The following ZNF462 variants were observed in gnomAD, a reference collection of about 807,000 sequenced individuals.
ZNF462 encodes zinc finger protein 462.
A neutral mutation model predicts 201.9 loss-of-function variants in ZNF462; 10 were observed. The observed-to-expected ratio is 0.05, with a 90% CI of 0.03 to 0.08. The LOEUF (loss-of-function observed/expected upper bound fraction) is 0.08. Ranked by LOEUF, ZNF462 falls within the 10% of genes least tolerant of loss-of-function variation. ZNF462 has a pLI of 1.00. For synonymous variants in ZNF462, 1,227 were observed against 1,193.3 expected (o/e 1.03, Z -0.58); for missense variants, 2,523 against 3,168.3 (o/e 0.80, Z 4.89).
At chr9:106,987,074 C>G (rs1029449000) in intron 10 of ZNF462, among the ~76,000 whole-genome samples, 4 of 151,972 alleles carry the variant, frequency 2.6e-5, no homozygotes, top group Admixed American at 2.6e-4. Context: ...GACTGATGGG[C>G]ATTTGGGTTG....
At chr9:107,000,424 G>A (rs1237572282) in intron 10 of ZNF462, among the ~76,000 whole-genome samples, 1 of 151,964 alleles carries the variant, frequency 6.6e-6, no homozygotes, top group Non-Finnish European at 1.5e-5. Context: ...GGAGGGGAAG[G>A]GGCTGGCAGT....
intron 11 of ZNF462, among the ~76,000 whole-genome samples, chr9:107,007,163 C>T (rs573659626): frequency 2.0e-5 from 3 of 152,092 alleles, no homozygotes; most frequent in Non-Finnish European, 4.4e-5. Context: ...ATCTCTAAAG[C>T]TGAGCATGTG....
chr9:106,928,019 C>T lies in ZNF462; in HGVS notation c.4107C>T (p.Tyr1369=), dbSNP rs1339278812. ...SLTMPAEAKT[Y]RCRDCVFEAV... ...CAATGCCAGCCGAAGCCAAAACCTA[C>T]AGATGCAGGGACTGTGTTTTCGAAG... The change falls in exon 3 of 13, where the codon TAC becomes TAT. Residue 1369 remains tyrosine, a synonymous_variant. Coordinates refer to ENST00000277225, the MANE Select transcript of ZNF462 (RefSeq NM_021224.6). This position sits in a 1 kb window ranked among gnomAD's most constrained non-coding sequence, Gnocchi z 9.3. 2.5e-6 allele frequency: 4 copies of T among 1,614,102 alleles called. No homozygotes were observed. In the Admixed American group the frequency reaches 5.0e-5, roughly 20 times the overall value.
Position 106,923,243 on chromosome 9 carries a change from GA to G in ZNF462, c.-30-108del. On this transcript the variant is annotated intron_variant, in intron 1 of 12. Coordinates refer to ENST00000277225, the MANE Select transcript of ZNF462 (RefSeq NM_021224.6). The surrounding 1 kb of genome is among the most constrained non-coding windows in gnomAD (Gnocchi z 5.6). ...TTCCAACTGGCAAAGTCCAATAAGA[GA>G]AATCTACTGATACTGGAATTTTTTC... is the stretch of plus-strand genomic sequence containing the variant. 1.3e-6 allele frequency: 1 copy of G among 754,444 alleles called. No homozygotes were observed. The allele number at this position is 754,444 out of a possible 1,614,324, so 46.7% of individuals were successfully genotyped here. A position where few individuals can be genotyped will look rare whatever the true frequency, so the allele number is the denominator to read the frequency against.
rs894645415 is a variant in ZNF462 at position 106,968,914 on chromosome 9, C to T, written c.6428-3091C>T. On this transcript the variant is annotated intron_variant, in intron 7 of 12. Coordinates refer to ENST00000277225, the MANE Select transcript of ZNF462 (RefSeq NM_021224.6). The surrounding 1 kb of genome is among the most constrained non-coding windows in gnomAD (Gnocchi z 4.0). ...CTTTCTAACCTGGGCACAGAACGACCTCCTTCCTGCTCTTCAGGCCATGCT... is the reference window on the plus strand; with the variant it reads ...CTTTCTAACCTGGGCACAGAACGACTTCCTTCCTGCTCTTCAGGCCATGCT... Among the ~76,000 whole-genome samples, 2 of 152,154 alleles carry T rather than the reference C, an allele frequency of 1.3e-5. No homozygotes were observed. Among genetic ancestry groups the T allele is most frequent in the Admixed American group, 6.6e-5 (1 of 15,262 alleles).
In ZNF462 at chr9:107,005,174, G is replaced by A. The variant is rs751298648; in HGVS notation, c.7189+1748G>A. The stretch of plus-strand genomic sequence containing the variant: ...TATTATGAATAACCCTGCAGTGAAC[G>A]TGAGAGTGCAGATATTTCTTCAATA... On this transcript the variant is annotated intron_variant, in intron 11 of 12. Coordinates refer to ENST00000277225, the MANE Select transcript of ZNF462 (RefSeq NM_021224.6). The surrounding 1 kb of genome is among the most constrained non-coding windows in gnomAD (Gnocchi z 4.4). Among the ~76,000 whole-genome samples, 8 of 152,052 alleles carry A rather than the reference G, an allele frequency of 5.3e-5. No homozygotes were observed. Among genetic ancestry groups the A allele is most frequent in the Admixed American group, 1.3e-4 (2 of 15,264 alleles).
intron 9 of ZNF462, among the ~76,000 whole-genome samples, chr9:106,980,717 G>A (rs1183171367): frequency 6.6e-6 from 1 of 152,198 alleles, no homozygotes; most frequent in Non-Finnish European, 1.5e-5. Flanking sequence ...GAGGAGATGA[G>A]AGACACAATC....
rs555158809 is a variant in ZNF462 at position 106,962,574 on chromosome 9, T to A, written c.6428-9431T>A. ...TGTAAGTATGATGGGAAACTAGATC[T>A]CAAAAAAGAGAAAGCTTGCCCATTT... On this transcript the variant is annotated intron_variant, in intron 7 of 12. Transcript: ENST00000277225. The surrounding 1 kb of genome is among the most constrained non-coding windows in gnomAD (Gnocchi z 4.6). 1.6e-4 allele frequency among the ~76,000 whole-genome samples: 25 copies of A among 152,102 alleles called. No individual in the cohort carries two copies. Among genetic ancestry groups the A allele is most frequent in the African/African-American group, 5.1e-4 (21 of 41,516 alleles).
At chr9:106,873,572 AT>A (rs1827693011) in intron 1 of ZNF462, among the ~76,000 whole-genome samples, 1 of 152,134 alleles carries the variant, frequency 6.6e-6, no homozygotes, top group African/African-American at 2.4e-5. Context: ...TTTAATGGTC[AT>A]TTTTGGAACA....
Position 106,890,734 on chromosome 9 carries a change from A to G in ZNF462, c.-31+27379A>G, listed in dbSNP as rs1828539848. Among the ~76,000 whole-genome samples, 1 of 152,076 alleles carries G rather than the reference A, an allele frequency of 6.6e-6. No individual in the cohort carries two copies. The highest frequency in any genetic ancestry group is 2.1e-4 in the South Asian group (1 of 4,834). On this transcript the variant is annotated intron_variant, in intron 1 of 12. Coordinates refer to ENST00000277225, the MANE Select transcript of ZNF462 (RefSeq NM_021224.6). This position sits in a 1 kb window ranked among gnomAD's most constrained non-coding sequence, Gnocchi z 4.2. ...TGTCCTCTGCTCTAAGGCTCATGTCACTCGCATCATGCTGTGACATGAAAC... is the reference window on the plus strand; with the variant it reads ...TGTCCTCTGCTCTAAGGCTCATGTCGCTCGCATCATGCTGTGACATGAAAC...
Position 106,969,071 on chromosome 9 carries a change from G to A in ZNF462, c.6428-2934G>A, listed in dbSNP as rs117624878. Among the ~76,000 whole-genome samples the A allele has an allele frequency of 1.4e-4, 22 of 152,194 alleles. No individual in the cohort carries two copies. In the East Asian group the frequency reaches 3.5e-3, roughly 24 times the overall value. On this transcript the variant is annotated intron_variant, in intron 7 of 12. Coordinates refer to ENST00000277225, the MANE Select transcript of ZNF462 (RefSeq NM_021224.6). ...ATCCTACATTATTCACAAATTCCACGTGAGCGAGAGCGAAATTGAGAATGT... is the reference window on the plus strand; with the variant it reads ...ATCCTACATTATTCACAAATTCCACATGAGCGAGAGCGAAATTGAGAATGT...
rs1332365980 is a variant in ZNF462 at position 106,870,042 on chromosome 9, A to G, written c.-31+6687A>G. On this transcript the variant is annotated intron_variant, in intron 1 of 12. Transcript: ENST00000277225. The surrounding 1 kb of genome is among the most constrained non-coding windows in gnomAD (Gnocchi z 4.3). The stretch of plus-strand genomic sequence containing the variant: ...CTATCATAAAATTTATCTTTTTTCT[A>G]AGTCCTCCTATTCTCATCAGCTGAA... 2.6e-5 allele frequency among the ~76,000 whole-genome samples: 4 copies of G among 152,162 alleles called. No individual in the cohort carries two copies.
Position 107,005,084 on chromosome 9 carries a change from A to G in ZNF462, c.7189+1658A>G, listed in dbSNP as rs1338280136. ...ATGGTGAATAGTATTTCATGTGTGT[A>G]TATACCACATTTTCTTTATCCATTC... On this transcript the variant is annotated intron_variant, in intron 11 of 12. Coordinates refer to ENST00000277225, the MANE Select transcript of ZNF462 (RefSeq NM_021224.6). This position sits in a 1 kb window ranked among gnomAD's most constrained non-coding sequence, Gnocchi z 4.4. Among the ~76,000 whole-genome samples, 4 of 152,178 alleles carry G rather than the reference A, an allele frequency of 2.6e-5. No individual in the cohort carries two copies. The East Asian group carries it at 7.7e-4, about 29-fold the overall frequency.
Position 106,963,668 on chromosome 9 carries a change from C to T in ZNF462, c.6428-8337C>T, listed in dbSNP as rs922799333. On this transcript the variant is annotated intron_variant, in intron 7 of 12. Coordinates refer to ENST00000277225, the MANE Select transcript of ZNF462 (RefSeq NM_021224.6). The surrounding 1 kb of genome is among the most constrained non-coding windows in gnomAD (Gnocchi z 4.7). ...TAACAGATGATCTTGTCTAAAGGCA[C>T]CTAAAAAAATTACTGCAGTAAAAAC... Among the ~76,000 whole-genome samples the T allele has an allele frequency of 7.2e-5, 11 of 152,030 alleles. No individual in the cohort carries two copies. The highest frequency in any genetic ancestry group is 2.2e-4 in the African/African-American group (9 of 41,496).
At position 106,984,486 on chromosome 9, in the gene ZNF462, G is replaced by A. The variant is rs1827679445; in HGVS notation, c.7056+77G>A. Reference sequence around the variant, plus strand: ...CAAGGGGGAGACACCACTGCATTTAGTCACGACCACTGTGTACCAGATGGA... The same window carrying A: ...CAAGGGGGAGACACCACTGCATTTAATCACGACCACTGTGTACCAGATGGA... On this transcript the variant is annotated intron_variant, in intron 10 of 12. Coordinates refer to ENST00000277225, the MANE Select transcript of ZNF462 (RefSeq NM_021224.6). The surrounding 1 kb of genome is among the most constrained non-coding windows in gnomAD (Gnocchi z 6.4). 1.7e-6 allele frequency: 2 copies of A among 1,157,960 alleles called. No homozygotes were observed. Among genetic ancestry groups the A allele is most frequent in the African/African-American group, 3.1e-5 (2 of 65,038 alleles). 71.7% of individuals were successfully genotyped at this position (1,157,960 alleles called of 1,614,324 possible).
At chr9:106,949,849 G>A (rs530015305) in intron 7 of ZNF462, among the ~76,000 whole-genome samples, 60 of 152,204 alleles carry the variant, frequency 3.9e-4, no homozygotes, top group African/African-American at 1.4e-3. Flanking sequence ...CACTTCAGTC[G>A]CCTAAGCTAG....
chr9:106,911,638 A>C (rs2131308030), intron 1 of ZNF462, among the ~76,000 whole-genome samples: 1 of 152,358 alleles, frequency 6.6e-6, no homozygotes, highest in East Asian at 1.9e-4. Flanking sequence ...GGAATTACTT[A>C]GACCTTCCAA....
At chr9:106,953,025 G>T (rs185513895) in intron 7 of ZNF462, among the ~76,000 whole-genome samples, 2 of 152,240 alleles carry the variant, frequency 1.3e-5, no homozygotes, top group Admixed American at 6.5e-5. Flanking sequence ...TCTTAAAAAG[G>T]TTATACATGA....
Position 107,006,090 on chromosome 9 carries a change from T to C in ZNF462, c.7189+2664T>C. Among the ~76,000 whole-genome samples, 1 of 152,334 alleles carries C rather than the reference T, an allele frequency of 6.6e-6. No individual in the cohort carries two copies. Among genetic ancestry groups the C allele is most frequent in the East Asian group, 1.9e-4 (1 of 5,178 alleles). ...CATGCTGTTTTGATTACTATAGTTT[T>C]GTAGTCAACTTTGAAGTCGGGTAGG... On this transcript the variant is annotated intron_variant, in intron 11 of 12. Transcript: ENST00000277225. The surrounding 1 kb of genome is among the most constrained non-coding windows in gnomAD (Gnocchi z 4.3).
Sources: allele counts gnomAD v4.1 joint callset (sites outside exome capture counted in the v4.1 genomes callset), GRCh38; gene constraint gnomAD v4.1.1; non-coding constraint Gnocchi (gnomAD v3.1); transcripts MANE v1.5; gene names NCBI Gene and HGNC (gene_info 2026-07-23, HGNC 2026-07-21).